The following GRM7 variants were observed in gnomAD, a reference collection of about 807,000 sequenced individuals.
GRM7 encodes glutamate metabotropic receptor 7.
A neutral mutation model predicts 84.5 loss-of-function variants in GRM7; 35 were observed. The ratio of observed to expected loss-of-function variants is 0.41; its 90% confidence interval spans 0.32 to 0.55. The LOEUF is 0.55. Among genes scored for constraint, GRM7 ranks in the 20% least tolerant of loss-of-function variants. The pLI is 0.19. For synonymous variants in GRM7, 487 were observed against 455.1 expected (o/e 1.07, Z -0.89); for missense variants, 1,003 against 1,194.6 (o/e 0.84, Z 2.36).
chr3:7,326,181 G>A (rs1508711), intron 4 of GRM7, among the ~76,000 whole-genome samples: 56,941 of 135,968 alleles, frequency 0.42, 10,895 homozygotes, highest in East Asian at 0.5. Context: ...AAAAAAAAAA[G>A]AAAAAAAAAC....
At chr3:7,449,560 T>C (rs2124886367) in intron 5 of GRM7, among the ~76,000 whole-genome samples, 1 of 152,260 alleles carries the variant, frequency 6.6e-6, no homozygotes, top group South Asian at 2.1e-4. Flanking sequence ...CTGTCAGTTA[T>C]TAAAATATGT....
intron 9 of GRM7, among the ~76,000 whole-genome samples, chr3:7,722,469 C>G (rs1052133966): frequency 7.0e-6 from 1 of 141,996 alleles, no homozygotes; most frequent in African/African-American, 2.6e-5. Context: ...TTTTTTGAGA[C>G]AGTCTTGCTC....
chr3:7,598,150 C>A (rs1172160821), intron 8 of GRM7, among the ~76,000 whole-genome samples: 1 of 152,152 alleles, frequency 6.6e-6, no homozygotes, highest in East Asian at 1.9e-4. Flanking sequence ...TGACATATTG[C>A]AGATAAGGAA....
At chr3:7,332,741 C>G (rs1470757634) in intron 4 of GRM7, among the ~76,000 whole-genome samples, 1 of 152,282 alleles carries the variant, frequency 6.6e-6, no homozygotes, top group East Asian at 1.9e-4. Flanking sequence ...ATTCACAGAA[C>G]CTTTGAAAGA....
At position 7,096,617 on chromosome 3, in the gene GRM7, G is replaced by T. The variant is rs149093496; in HGVS notation, c.520-49835G>T. ...TATGGGGGTTTTAATACATAGGCAC[G>T]ACTGGTGAAATCATTGGCCACATGA... On this transcript the variant is annotated intron_variant, in intron 1 of 9. Coordinates refer to ENST00000357716, the MANE Select transcript of GRM7 (RefSeq NM_000844.4). Among the ~76,000 whole-genome samples, 759 of 152,174 alleles carry T rather than the reference G, an allele frequency of 5.0e-3. 8 individuals carry two copies. Among genetic ancestry groups the T allele is most frequent in the African/African-American group, 0.018 (729 of 41,514 alleles).
intron 1 of GRM7, among the ~76,000 whole-genome samples, chr3:7,137,588 G>A (rs958394623): frequency 1.3e-5 from 2 of 152,058 alleles, no homozygotes; most frequent in Admixed American, 1.3e-4. Context: ...AGATTGAGAA[G>A]ATTTGAGTTG....
intron 1 of GRM7, among the ~76,000 whole-genome samples, chr3:7,022,093 G>C (rs1318266): frequency 0.033 from 4,954 of 152,190 alleles, 255 homozygotes; most frequent in African/African-American, 0.11. Flanking sequence ...TTTGGGAGCT[G>C]AGTTGGGAGA....
chr3:7,289,075 C>G (rs749825085), intron 2 of GRM7, among the ~76,000 whole-genome samples: 7 of 152,134 alleles, frequency 4.6e-5, no homozygotes, highest in Middle Eastern at 3.2e-3. Context: ...ATGAATTGAC[C>G]TCCTTTTTAT....
chr3:7,217,701 T>C (rs1322127752), intron 2 of GRM7, among the ~76,000 whole-genome samples: 3 of 138,784 alleles, frequency 2.2e-5, no homozygotes, highest in Admixed American at 6.9e-5. Context: ...TATTTTATAA[T>C]ATAAAATATT....
intron 5 of GRM7, among the ~76,000 whole-genome samples, chr3:7,416,332 A>G (rs530107119): frequency 5.3e-4 from 80 of 152,268 alleles, no homozygotes; most frequent in African/African-American, 1.7e-3. Flanking sequence ...AGCCTTTACA[A>G]TTTGTAGTGA....
At position 7,707,577 on chromosome 3, in the gene GRM7, A is replaced by AT. The variant is rs202224479; in HGVS notation, c.2698+27290dup. ...GGGCACAGTCATTGGCCTGGCATCT[A>AT]TTTTTTTTAATAATTAAACCATTTA... On this transcript the variant is annotated intron_variant, in intron 9 of 9. Transcript: ENST00000357716. Among the ~76,000 whole-genome samples, 17 of 152,154 alleles carry AT rather than the reference A, an allele frequency of 1.1e-4. No homozygotes were observed. The East Asian group carries it at 2.3e-3, about 21-fold the overall frequency.
At chr3:7,468,027 A>C (rs1698533436) in intron 7 of GRM7, among the ~76,000 whole-genome samples, 1 of 152,226 alleles carries the variant, frequency 6.6e-6, no homozygotes, top group Admixed American at 6.5e-5. Context: ...AAAGCAGTTG[A>C]TTGCCAAAAT....
At chr3:7,588,364 A>G (rs2125061106) in intron 8 of GRM7, among the ~76,000 whole-genome samples, 1 of 152,276 alleles carries the variant, frequency 6.6e-6, no homozygotes, top group African/African-American at 2.4e-5. Context: ...ACCTTTTATA[A>G]TACATTTGGT....
chr3:7,482,632 G>C (rs1344309951), intron 7 of GRM7, among the ~76,000 whole-genome samples: 1 of 152,212 alleles, frequency 6.6e-6, no homozygotes, highest in East Asian at 1.9e-4. Flanking sequence ...GTATAGGTCA[G>C]CTCTGAGCCC....
intron 7 of GRM7, among the ~76,000 whole-genome samples, chr3:7,551,151 T>C (rs963536833): frequency 3.3e-5 from 5 of 152,220 alleles, no homozygotes; most frequent in Admixed American, 3.3e-4. Context: ...AGAATATTTA[T>C]ATAGCACACA....
intron 8 of GRM7, among the ~76,000 whole-genome samples, chr3:7,623,870 A>G (rs1697481350): frequency 6.6e-6 from 1 of 152,170 alleles, no homozygotes; most frequent in South Asian, 2.1e-4. Context: ...AGAGAAAAGA[A>G]GGGGAAACCT....
At chr3:6,887,190 TA>T in intron 1 of GRM7, among the ~76,000 whole-genome samples, 1 of 152,042 alleles carries the variant, frequency 6.6e-6, no homozygotes, top group Non-Finnish European at 1.5e-5. Context: ...TGACTCTCTT[TA>T]TTTTTTTTTT....
intron 1 of GRM7, among the ~76,000 whole-genome samples, chr3:6,956,251 A>G (rs1384114017): frequency 1.3e-5 from 2 of 152,194 alleles, no homozygotes. Context: ...AAAGATTCTG[A>G]GGTCAAGTCT....
At chr3:7,351,745 C>T (rs939298541) in intron 4 of GRM7, among the ~76,000 whole-genome samples, 9 of 151,884 alleles carry the variant, frequency 5.9e-5, no homozygotes, top group Admixed American at 4.6e-4. Context: ...TCCTTCTTCC[C>T]TTAGACATCA....
Sources: gnomAD v4.1 joint callset for allele counts (sites outside exome capture counted in the v4.1 genomes callset) on GRCh38, gnomAD v4.1.1 for gene constraint, MANE v1.5 for transcripts, NCBI Gene and HGNC (gene_info 2026-07-23, HGNC 2026-07-21) for gene names.